The following TINAG variants were observed in gnomAD, a reference collection of about 807,000 sequenced individuals.
TINAG encodes tubulointerstitial nephritis antigen.
A neutral mutation model predicts 72.7 loss-of-function variants in TINAG; 83 were observed. The ratio of observed to expected loss-of-function variants is 1.14; its 90% CI spans 0.96 to 1.37. The LOEUF (loss-of-function observed/expected upper bound fraction) is 1.37, where lower values mean the gene tolerates loss of function less well. TINAG is among the 40% of genes most tolerant of loss of function. TINAG has a pLI of 0.00. For synonymous variants in TINAG, 234 were observed against 189.9 expected, an observed-to-expected ratio of 1.23 and a Z score of -1.91; for missense variants, 685 against 576.6, an observed-to-expected ratio of 1.19 and a Z score of -1.93.
intron 4 of TINAG, among the ~76,000 whole-genome samples, chr6:54,339,007 A>C (rs1213008106): frequency 6.6e-6 from 1 of 152,146 alleles, no homozygotes; most frequent in Non-Finnish European, 1.5e-5. Flanking sequence ...TAAGGAACTC[A>C]TTTAAGGAAA....
intron 8 of TINAG, among the ~76,000 whole-genome samples, chr6:54,353,039 T>C (rs1785303082): frequency 6.6e-6 from 1 of 151,858 alleles, no homozygotes. Flanking sequence ...ATAATGAGTT[T>C]GCTGCAGTTT....
At chr6:54,319,663 G>A (rs918076527) in intron 1 of TINAG, among the ~76,000 whole-genome samples, 1 of 152,116 alleles carries the variant, frequency 6.6e-6, no homozygotes, top group Non-Finnish European at 1.5e-5. Context: ...ATGGCTAGAA[G>A]TTAAACAAGG....
rs1280647535 is a variant in TINAG, at chr6:54,326,931, T to C, written c.624+15T>C. The C allele has an allele frequency of 6.2e-7, 1 of 1,613,188 alleles. No homozygotes were observed. On this transcript the variant is annotated intron_variant, in intron 4 of 10. Coordinates refer to ENST00000259782, the MANE Select transcript of TINAG (RefSeq NM_014464.4). ...ATGAAATGACAGTAAGTGTTCCTTCTGATTCACGTATGTGCATGTATTTGT... is the reference window on the plus strand; with the variant it reads ...ATGAAATGACAGTAAGTGTTCCTTCCGATTCACGTATGTGCATGTATTTGT...
intron 5 of TINAG, among the ~76,000 whole-genome samples, chr6:54,346,332 G>A (rs1344832222): frequency 6.6e-6 from 1 of 151,690 alleles, no homozygotes; most frequent in East Asian, 1.9e-4. Context: ...AATGTGTTGA[G>A]GAAAGGAATG....
intron 10 of TINAG, among the ~76,000 whole-genome samples, chr6:54,382,916 CA>C (rs1448141860): frequency 6.6e-6 from 1 of 152,052 alleles, no homozygotes; most frequent in African/African-American, 2.4e-5. Context: ...ATCTTCTCAC[CA>C]TAAACATTAG....
chr6:54,347,425 C>A lies in TINAG; in HGVS notation c.807C>A (p.Ser269=). ...QSKGRYTANL[S]PQNLISCCAK... ...AGGGTCGATACACGGCCAATCTATC[C>A]CCTCAGAATTTGATCTCTTGCTGTG... Residue 269 remains serine, a synonymous_variant, in exon 6 of 11, where the codon TCC becomes TCA. Transcript: ENST00000259782. The A allele has an allele frequency of 1.2e-6, 2 of 1,613,230 alleles. No individual in the cohort carries two copies. The highest frequency in any genetic ancestry group is 1.7e-5 in the Admixed American group (1 of 59,900).
intron 9 of TINAG, among the ~76,000 whole-genome samples, chr6:54,378,492 C>T (rs2150981080): frequency 6.6e-6 from 1 of 152,192 alleles, no homozygotes; most frequent in Admixed American, 6.5e-5. Flanking sequence ...GAAAGATTTG[C>T]AAGAATTATT....
intron 9 of TINAG, among the ~76,000 whole-genome samples, chr6:54,354,989 G>T (rs1762990068): frequency 1.3e-5 from 2 of 151,836 alleles, no homozygotes; most frequent in African/African-American, 4.8e-5. Flanking sequence ...GTTTTGAATA[G>T]AATTGCAAAT....
At chr6:54,373,181 T>C (rs1342616440) in intron 9 of TINAG, among the ~76,000 whole-genome samples, 1 of 149,180 alleles carries the variant, frequency 6.7e-6, no homozygotes, top group South Asian at 2.2e-4. Context: ...CCCAACTGTT[T>C]CCCCTACCTC....
intron 9 of TINAG, among the ~76,000 whole-genome samples, 194 bp downstream of exon 9, chr6:54,354,830 A>G (rs1250873048): frequency 6.6e-6 from 1 of 151,872 alleles, no homozygotes; most frequent in Non-Finnish European, 1.5e-5. Flanking sequence ...TCTGGGAAAA[A>G]TGATCTTTTC....
chr6:54,360,846 T>TTTTTTTTTTTTTTTTTTTTTG (rs1763209422), intron 9 of TINAG, among the ~76,000 whole-genome samples: 1 of 98,698 alleles, frequency 1.0e-5, no homozygotes, highest in Admixed American at 9.7e-5. Flanking sequence ...ACTGTGTTTT[T>TTTTTTTTTTTTTTTTTTTTTG]TTTTTTTTTT....
intron 5 of TINAG, among the ~76,000 whole-genome samples, chr6:54,344,162 G>A (rs1785066329): frequency 6.6e-6 from 1 of 152,158 alleles, no homozygotes; most frequent in African/African-American, 2.4e-5. Flanking sequence ...ACAGTTTAAA[G>A]CCATTGAAGG....
At chr6:54,319,111 AT>A (rs1172900762) in intron 1 of TINAG, among the ~76,000 whole-genome samples, 1 of 152,024 alleles carries the variant, frequency 6.6e-6, no homozygotes, top group African/African-American at 2.4e-5. Flanking sequence ...TGTCTGTTCC[AT>A]TTATCCATGG....
intron 10 of TINAG, among the ~76,000 whole-genome samples, chr6:54,389,500 G>A (rs1171571014): frequency 6.6e-6 from 1 of 152,070 alleles, no homozygotes; most frequent in African/African-American, 2.4e-5. Context: ...CTCTATAACT[G>A]CAGCTTGCAT....
chr6:54,373,474 C>CT (rs1426039554), intron 9 of TINAG, among the ~76,000 whole-genome samples: 1 of 151,986 alleles, frequency 6.6e-6, no homozygotes, highest in Non-Finnish European at 1.5e-5. Flanking sequence ...ATTTTTATTG[C>CT]TTGTGTTATT....
At chr6:54,339,596 G>T (rs1181775161) in intron 4 of TINAG, among the ~76,000 whole-genome samples, 1 of 151,944 alleles carries the variant, frequency 6.6e-6, no homozygotes, top group Non-Finnish European at 1.5e-5. Flanking sequence ...ATTACATATT[G>T]ATCTTTTTAA....
chr6:54,323,404 G>C (rs943191162), intron 3 of TINAG, among the ~76,000 whole-genome samples: 1 of 152,128 alleles, frequency 6.6e-6, no homozygotes, highest in Non-Finnish European at 1.5e-5. Flanking sequence ...TGCTCAAATT[G>C]TTTTTATGTG....
chr6:54,381,163 G>T (rs2150982972), intron 10 of TINAG, among the ~76,000 whole-genome samples: 1 of 147,074 alleles, frequency 6.8e-6, no homozygotes, highest in African/African-American at 2.5e-5. Flanking sequence ...TATCCTATAG[G>T]TTAAGGCTTT....
intron 10 of TINAG, among the ~76,000 whole-genome samples, chr6:54,384,209 G>A (rs189094851): frequency 2.0e-5 from 3 of 152,054 alleles, no homozygotes; most frequent in Non-Finnish European, 2.9e-5. Flanking sequence ...GTTCACGGGT[G>A]GGGGGCTAGG....
Sources: gnomAD v4.1 joint callset for allele counts (sites outside exome capture counted in the v4.1 genomes callset) on GRCh38, gnomAD v4.1.1 for gene constraint, MANE v1.5 for transcripts, NCBI Gene and HGNC (gene_info 2026-07-23, HGNC 2026-07-21) for gene names.